PRKN: variants seen among roughly 807,000 people sequenced by gnomAD.
PRKN encodes the protein parkin RBR E3 ubiquitin protein ligase.
A neutral mutation model predicts 59.5 loss-of-function variants in PRKN; 56 were observed. The observed-to-expected ratio is 0.94, with a 90% CI of 0.76 to 1.18. The LOEUF is 1.18. PRKN is among the 50% of genes most tolerant of loss of function. The pLI is 0.00. For synonymous variants in PRKN, 250 were observed against 222.1 expected (o/e 1.13, Z -1.12); for missense variants, 657 against 596.4 (o/e 1.10, Z -1.06).
At chr6:162,445,739 T>C (rs12213254) in intron 1 of PRKN, among the ~76,000 whole-genome samples, 52,514 of 123,644 alleles carry the variant, frequency 0.42, 11,652 homozygotes, top group East Asian at 0.6. Context: ...TCCACATTTC[T>C]ATCCCTCATG....
chr6:162,605,114 T>C (rs1562428146), intron 1 of PRKN, among the ~76,000 whole-genome samples: 1 of 152,160 alleles, frequency 6.6e-6, no homozygotes, highest in Non-Finnish European at 1.5e-5. Context: ...TGATAGAGAA[T>C]CCTTTACTTC....
At chr6:161,765,152 T>C (rs752896888) in intron 7 of PRKN, among the ~76,000 whole-genome samples, 2 of 152,230 alleles carry the variant, frequency 1.3e-5, no homozygotes, top group East Asian at 1.9e-4. Context: ...AACGCTTCCA[T>C]AATCTTCAGT....
In PRKN at chr6:161,762,802, A is replaced by G. The variant is rs1024282689; in HGVS notation, c.871+22970T>C. ...ACATTCTAGGCCACCATTGCTCTCA[A>G]ATATACTGGCACCAAGAAATTCTAT... On this transcript the variant is annotated intron_variant, in intron 7 of 11. Coordinates refer to ENST00000366898, the MANE Select transcript of PRKN (RefSeq NM_004562.3). 5.3e-5 allele frequency among the ~76,000 whole-genome samples: 8 copies of G among 152,264 alleles called. No individual in the cohort carries two copies. In the South Asian group the frequency reaches 1.7e-3, roughly 32 times the overall value.
chr6:162,560,143 AT>A (rs1205060461), intron 1 of PRKN, among the ~76,000 whole-genome samples: 1 of 152,214 alleles, frequency 6.6e-6, no homozygotes, highest in Non-Finnish European at 1.5e-5. Flanking sequence ...ACATTCGTTA[AT>A]AAAGAGGTTA....
chr6:161,591,859 A>G (rs1418499195), intron 7 of PRKN, among the ~76,000 whole-genome samples: 1 of 152,176 alleles, frequency 6.6e-6, no homozygotes, highest in Non-Finnish European at 1.5e-5. Context: ...AGGTAAACTC[A>G]TCTTTTCTAA....
chr6:161,611,131 T>C (rs117508373), intron 7 of PRKN, among the ~76,000 whole-genome samples: 17 of 152,172 alleles, frequency 1.1e-4, no homozygotes, highest in East Asian at 5.8e-4. Flanking sequence ...CAATGAATAA[T>C]TGAGTACATA....
chr6:162,455,626 T>C (rs966994127), intron 1 of PRKN, among the ~76,000 whole-genome samples: 15 of 152,326 alleles, frequency 9.8e-5, no homozygotes, highest in Non-Finnish European at 1.8e-4. Flanking sequence ...AGATATAAGA[T>C]GGCTATGGGG....
intron 2 of PRKN, among the ~76,000 whole-genome samples, chr6:162,439,588 C>A (rs1789953275): frequency 6.6e-6 from 1 of 151,916 alleles, no homozygotes. Flanking sequence ...TACAGCGGAC[C>A]CTTGAATAAC....
chr6:161,942,097 G>A (rs1479911024), intron 6 of PRKN, among the ~76,000 whole-genome samples: 1 of 152,032 alleles, frequency 6.6e-6, no homozygotes, highest in Non-Finnish European at 1.5e-5. Context: ...TGGCCCTCGA[G>A]CTACCAAATT....
rs34428585 is a variant in PRKN, at chr6:162,148,593, G to GAAACAAACAAAC, written c.534+52526_534+52537dup. ...AGTCCAAGGTGATATAAGCCAGATT[G>GAAACAAACAAAC]AAACAAACAAACAAACAAACAAACA... On this transcript the variant is annotated intron_variant, in intron 4 of 11. Coordinates refer to ENST00000366898, the MANE Select transcript of PRKN (RefSeq NM_004562.3). 8.8e-3 allele frequency among the ~76,000 whole-genome samples: 1,327 copies of GAAACAAACAAAC among 151,392 alleles called. 10 individuals carry two copies. Among genetic ancestry groups the GAAACAAACAAAC allele is most frequent in the African/African-American group, 0.014 (560 of 41,306 alleles).
chr6:161,432,517 C>A (rs1788695012), intron 9 of PRKN, among the ~76,000 whole-genome samples: 1 of 150,616 alleles, frequency 6.6e-6, no homozygotes, highest in African/African-American at 2.4e-5. Flanking sequence ...CGCCCGCCAT[C>A]ACCATGCCCA....
At chr6:161,723,145 G>A (rs1172117283) in intron 7 of PRKN, among the ~76,000 whole-genome samples, 1 of 151,996 alleles carries the variant, frequency 6.6e-6, no homozygotes, top group Non-Finnish European at 1.5e-5. Flanking sequence ...GTGAGTGCCT[G>A]TAATCCCAGC....
At chr6:162,193,588 T>C (rs934533630) in intron 4 of PRKN, among the ~76,000 whole-genome samples, 3 of 152,298 alleles carry the variant, frequency 2.0e-5, no homozygotes, top group Non-Finnish European at 1.5e-5. Flanking sequence ...GATCTGATGT[T>C]TTCCTAAAAA....
intron 4 of PRKN, among the ~76,000 whole-genome samples, chr6:162,096,491 T>C (rs1283897950): frequency 1.3e-5 from 2 of 152,326 alleles, no homozygotes; most frequent in African/African-American, 2.4e-5. Flanking sequence ...GGTTTGGCTG[T>C]GCCTCTACCC....
At chr6:162,247,615 A>C (rs1188959318) in intron 3 of PRKN, among the ~76,000 whole-genome samples, 1 of 152,198 alleles carries the variant, frequency 6.6e-6, no homozygotes, top group Admixed American at 6.5e-5. Flanking sequence ...TTCTTAGTTG[A>C]ATTAATAAAT....
intron 4 of PRKN, among the ~76,000 whole-genome samples, chr6:162,120,008 T>TTTGTTG (rs964045239): frequency 6.6e-6 from 1 of 152,126 alleles, no homozygotes; most frequent in Non-Finnish European, 1.5e-5. Flanking sequence ...AGTTCTCTGT[T>TTTGTTG]TTGTTGTTGT....
intron 9 of PRKN, among the ~76,000 whole-genome samples, chr6:161,472,851 A>T (rs1414524191): frequency 1.3e-5 from 2 of 152,242 alleles, no homozygotes; most frequent in Non-Finnish European, 2.9e-5. Flanking sequence ...GAGCCTGAAT[A>T]GACATTTCTC....
At chr6:161,812,068 T>C (rs1049669241) in intron 6 of PRKN, among the ~76,000 whole-genome samples, 8 of 152,140 alleles carry the variant, frequency 5.3e-5, no homozygotes, top group Non-Finnish European at 7.4e-5. Context: ...AATCAATATA[T>C]TGGACTTCAT....
Position 161,353,142 on chromosome 6 carries a change from T to C in PRKN, c.1286-2931A>G, listed in dbSNP as rs6922749. Among the ~76,000 whole-genome samples the C allele has an allele frequency of 6.6e-6, 1 of 152,142 alleles. No homozygotes were observed. Among genetic ancestry groups the C allele is most frequent in the Non-Finnish European group, 1.5e-5 (1 of 68,036 alleles). On this transcript the variant is annotated intron_variant, in intron 11 of 11. Transcript: ENST00000366898. The surrounding 1 kb of genome is among the most constrained non-coding windows in gnomAD (Gnocchi z 4.8). ...TCCCATAGCTCTTGTTACAGTCTTT[T>C]GTCATAATGTTGGGGCAATTCAGGC...
Sources: allele counts gnomAD v4.1 joint callset (sites outside exome capture counted in the v4.1 genomes callset), GRCh38; gene constraint gnomAD v4.1.1; non-coding constraint Gnocchi (gnomAD v3.1); transcripts MANE v1.5; gene names NCBI Gene and HGNC (gene_info 2026-07-23, HGNC 2026-07-21).